The following PDS5A variants were observed in gnomAD, a reference collection of about 807,000 sequenced individuals.
PDS5A encodes the protein PDS5 cohesin associated factor A.
PDS5A carries 42 observed loss-of-function variants against 167.1 expected under a neutral mutation model. The observed-to-expected ratio is 0.25, with a 90% CI of 0.20 to 0.33. The LOEUF (loss-of-function observed/expected upper bound fraction) is 0.33. Among genes scored for constraint, PDS5A ranks in the 10% least tolerant of loss-of-function variants. The pLI is 1.00. For missense variants in PDS5A, 1,033 were observed against 1,605.9 expected (o/e 0.64, Z 6.10); for synonymous variants, 553 against 554.6 (o/e 1.00, Z 0.04).
chr4:39,868,564 A>T, intron 22 of PDS5A: 1 of 434,274 alleles, frequency 2.3e-6, no homozygotes. Flanking sequence ...CCTGACCCCA[A>T]GTGATCTGCC....
At chr4:39,892,782 A>T (rs1358625014) in intron 16 of PDS5A, among the ~76,000 whole-genome samples, 1 of 152,242 alleles carries the variant, frequency 6.6e-6, no homozygotes, top group Non-Finnish European at 1.5e-5. Context: ...AGTGTAGTCC[A>T]TAAACCACTC....
intron 16 of PDS5A, among the ~76,000 whole-genome samples, chr4:39,891,419 C>T (rs13143682): frequency 0.22 from 33,436 of 150,754 alleles, 4,658 homozygotes; most frequent in Middle Eastern, 0.32. Context: ...GAGGCTGAGG[C>T]GGGCGGATCA....
chr4:39,918,338 T>C (rs541716649), intron 7 of PDS5A, among the ~76,000 whole-genome samples: 1 of 145,202 alleles, frequency 6.9e-6, no homozygotes, highest in Non-Finnish European at 1.5e-5. Flanking sequence ...GAACAAAAAG[T>C]TGGTAATACA....
intron 17 of PDS5A, among the ~76,000 whole-genome samples, chr4:39,887,031 T>C (rs1721538054): frequency 6.6e-6 from 1 of 152,170 alleles, no homozygotes; most frequent in African/African-American, 2.4e-5. Flanking sequence ...GTGGAGTCTT[T>C]AGCTTTTTCT....
At chr4:39,898,366 AGT>A in intron 16 of PDS5A, 21 bp downstream of exon 16, 1 of 1,520,578 alleles carries the variant, frequency 6.6e-7, no homozygotes, top group Non-Finnish European at 8.8e-7. Context: ...CTAGAGAAAA[AGT>A]GTGAAGTATG....
In PDS5A at chr4:39,849,438, C is replaced by CAAAAA. The variant is rs33909953; in HGVS notation, c.3219+77_3219+81dup. ...TAAAATTTAAATTACTACGTATGGC[C>CAAAAA]AAAAAAAAAAAAAAAAAACCAAGTG... On this transcript the variant is annotated intron_variant, in intron 27 of 32. Transcript: ENST00000303538. 1.6e-3 allele frequency: 792 copies of CAAAAA among 481,734 alleles called. 2 individuals are homozygous for CAAAAA. Among genetic ancestry groups the CAAAAA allele is most frequent in the South Asian group, 4.1e-3 (95 of 23,174 alleles). 29.8% of individuals were successfully genotyped at this position (481,734 alleles called of 1,614,324 possible). A position where few individuals can be genotyped will look rare whatever the true frequency, so the allele number is the denominator to read the frequency against.
At chr4:39,927,426 G>T (rs150512449) in intron 3 of PDS5A, among the ~76,000 whole-genome samples, 3 of 152,052 alleles carry the variant, frequency 2.0e-5, no homozygotes, top group Admixed American at 6.5e-5. Flanking sequence ...ATGATTTTAG[G>T]ACTATTTTTA....
In PDS5A at chr4:39,958,706, G is replaced by C. The variant is rs548031987; in HGVS notation, c.138+17734C>G. 2.7e-5 allele frequency among the ~76,000 whole-genome samples: 4 copies of C among 150,688 alleles called. No individual in the cohort carries two copies. The South Asian group carries it at 6.3e-4, about 24-fold the overall frequency. ...CTCTGCTCACTGCAACCTCTGTCTC[G>C]TGAGTTCAAACTATTCTTGTGCCTC... On this transcript the variant is annotated intron_variant, in intron 2 of 32. Coordinates refer to ENST00000303538, the MANE Select transcript of PDS5A (RefSeq NM_001100399.2).
chr4:39,877,096 A>G lies in PDS5A; in HGVS notation c.2050T>C (p.Leu684=). Reference sequence around the variant, plus strand: ...TCATCCTCCATTCTTAGGCACTGTAACAAGGACTCATATGTCTCTGCAGAG... The same window carrying G: ...TCATCCTCCATTCTTAGGCACTGTAGCAAGGACTCATATGTCTCTGCAGAG... ...FHSAETYESL[L]QCLRMEDDKV... Residue 684 remains leucine, a synonymous_variant, in exon 19 of 33, where the codon TTA becomes CTA. Transcript: ENST00000303538. The G allele has an allele frequency of 1.9e-6, 3 of 1,608,906 alleles. No individual in the cohort carries two copies. Among genetic ancestry groups the G allele is most frequent in the Non-Finnish European group, 2.6e-6 (3 of 1,175,660 alleles).
At position 39,976,546 on chromosome 4, in the gene PDS5A, G is replaced by C; in HGVS notation, c.32C>G (p.Thr11Ser). 2 of 1,613,476 alleles carry C rather than the reference G, an allele frequency of 1.2e-6. No individual in the cohort carries two copies. Among genetic ancestry groups the C allele is most frequent in the South Asian group, 2.2e-5 (2 of 91,042 alleles). ...GGCACTCACGACGCCACAGAGGGCA[G>C]TGGCAGGCTTGGGCTGCGCGGTGAA... MDFTAQPKPA[T>S]ALCGVVSADG... The change falls in exon 2 of 33, where the codon ACT (threonine) becomes AGT (serine). Residue 11 changes from threonine to serine, a missense_variant. By Grantham distance (58) the Thr-to-Ser change is moderately conservative (BLOSUM62 1). Transcript: ENST00000303538.
chr4:39,946,362 C>T lies in PDS5A; in HGVS notation c.139-18198G>A, dbSNP rs76568871. On this transcript the variant is annotated intron_variant, in intron 2 of 32. Coordinates refer to ENST00000303538, the MANE Select transcript of PDS5A (RefSeq NM_001100399.2). ...CAGTAAGTATAGGGAAATTCCCCTA[C>T]AGGCACGATGAGAAACGGGTGGTGG... Among the ~76,000 whole-genome samples, 114 of 152,048 alleles carry T rather than the reference C, an allele frequency of 7.5e-4. No individual in the cohort carries two copies. The East Asian group carries it at 0.018, about 24-fold the overall frequency.
rs79901798 is a variant in PDS5A, at chr4:39,864,443, C to G, written c.2643-984G>C. On this transcript the variant is annotated intron_variant, in intron 23 of 32. Transcript: ENST00000303538. ...AAGCCTTGGCACTCCCACCCCGACA[C>G]TGTGGATTTTTATTACTTACGTGGT... Among the ~76,000 whole-genome samples the G allele has an allele frequency of 4.4e-3, 677 of 152,310 alleles. 8 individuals are homozygous for G. The highest frequency in any genetic ancestry group is 0.015 in the African/African-American group (641 of 41,574).
At chr4:39,881,831 G>C (rs1720955861) in intron 17 of PDS5A, among the ~76,000 whole-genome samples, 2 of 152,156 alleles carry the variant, frequency 1.3e-5, no homozygotes, top group Admixed American at 6.5e-5. Context: ...ATCTCACTTT[G>C]AACTGTAATA....
intron 2 of PDS5A, among the ~76,000 whole-genome samples, chr4:39,934,541 A>AT (rs1466924230): frequency 1.3e-5 from 2 of 150,098 alleles, no homozygotes; most frequent in African/African-American, 2.5e-5. Context: ...GTCTGTGTGA[A>AT]TTTTTTCCTG....
intron 5 of PDS5A, among the ~76,000 whole-genome samples, chr4:39,924,765 T>C (rs1725301863): frequency 6.6e-6 from 1 of 152,230 alleles, no homozygotes; most frequent in South Asian, 2.1e-4. Flanking sequence ...TATGTTTGCA[T>C]ATAATGTAAT....
chr4:39,877,516 G>A (rs1378916427), intron 18 of PDS5A, among the ~76,000 whole-genome samples: 2 of 152,134 alleles, frequency 1.3e-5, no homozygotes, highest in African/African-American at 2.4e-5. Context: ...TTTAGGTGAA[G>A]GAATGCTTAC....
chr4:39,862,937 G>C lies in PDS5A; in HGVS notation c.2903C>G (p.Ala968Gly). ...KDPVKERRAHARQCLLKNISI... is the reference protein window; with the variant it reads ...KDPVKERRAHGRQCLLKNISI... ...GATATTTTTCAGTAAACATTGTCGT[G>C]CGTGTGCTCTTCTCTCCTTCACAGG... The change falls in exon 25 of 33, where the codon GCA (alanine) becomes GGA (glycine). Residue 968 changes from alanine (A) to glycine (G), a missense_variant. Physicochemically the swap from Ala to Gly is moderately conservative, Grantham distance 60 (BLOSUM62 0). Around this residue, in one of 4 missense-constraint regions of PDS5A, gnomAD observed 367 missense variants for 686.7 expected, o/e 0.53. Transcript: ENST00000303538. 2 of 1,613,096 alleles carry C rather than the reference G, an allele frequency of 1.2e-6. No individual in the cohort carries two copies. Among genetic ancestry groups the C allele is most frequent in the Non-Finnish European group, 1.7e-6 (2 of 1,179,638 alleles).
intron 26 of PDS5A, among the ~76,000 whole-genome samples, chr4:39,858,987 A>C (rs1288389363): frequency 6.6e-6 from 1 of 152,196 alleles, no homozygotes; most frequent in Non-Finnish European, 1.5e-5. Context: ...CATTAAAGTG[A>C]AAACTTTTGT....
At chr4:39,896,876 A>G (rs1319025681) in intron 16 of PDS5A, among the ~76,000 whole-genome samples, 1 of 151,858 alleles carries the variant, frequency 6.6e-6, no homozygotes, top group Non-Finnish European at 1.5e-5. Flanking sequence ...TCACTAGGTG[A>G]TAGGAATCCT....
Sources: gnomAD v4.1 joint callset for allele counts (sites outside exome capture counted in the v4.1 genomes callset) on GRCh38, gnomAD v4.1.1 for gene constraint, gnomAD v4.1.1 regional missense constraint, MANE v1.5 for transcripts, NCBI Gene and HGNC (gene_info 2026-07-23, HGNC 2026-07-21) for gene names.